NPHP3: variants seen among roughly 807,000 people sequenced by gnomAD.
NPHP3 encodes nephrocystin 3.
NPHP3 carries 123 observed loss-of-function variants against 171.9 expected under a neutral mutation model. That is an observed-to-expected ratio of 0.72 (90% CI 0.62 to 0.83). NPHP3 has a LOEUF of 0.83. Among genes scored for constraint, NPHP3 ranks in the 40% least tolerant of loss-of-function variants. The probability of loss-of-function intolerance (pLI) is 0.00; values close to 1 mark genes in which losing one functional copy is unlikely to be tolerated. For missense variants in NPHP3, 1,506 were observed against 1,591.9 expected, an observed-to-expected ratio of 0.95 and a Z score of 0.92; for synonymous variants, 558 against 579.2, an observed-to-expected ratio of 0.96 and a Z score of 0.52.
At chr3:132,708,466 C>A (rs1939817264) in intron 6 of NPHP3, among the ~76,000 whole-genome samples, 1 of 152,140 alleles carries the variant, frequency 6.6e-6, no homozygotes, top group Non-Finnish European at 1.5e-5. Flanking sequence ...CATTAGCCAA[C>A]AGTGAGCATA....
chr3:132,696,705 G>A, intron 15 of NPHP3, 26 bp downstream of exon 15: 1 of 1,600,382 alleles, frequency 6.2e-7, no homozygotes, highest in Non-Finnish European at 8.6e-7. Context: ...ACATGCAGAA[G>A]ATCATGTAAA....
intron 9 of NPHP3, among the ~76,000 whole-genome samples, chr3:132,702,633 T>C (rs1939642741): frequency 6.6e-6 from 1 of 152,250 alleles, no homozygotes; most frequent in African/African-American, 2.4e-5. Flanking sequence ...CAGCCAGCTT[T>C]AGGCTTGCTT....
intron 16 of NPHP3, among the ~76,000 whole-genome samples, chr3:132,694,379 T>G (rs62292470): frequency 4.0e-5 from 6 of 148,814 alleles, no homozygotes; most frequent in African/African-American, 1.5e-4. Context: ...GTGTGTGTGT[T>G]TACACACACA....
At position 132,681,233 on chromosome 3, in the gene NPHP3, G is replaced by A. The variant is rs1213729767; in HGVS notation, c.*677C>T. ...GAATGGCAAGGCTAAAGTAGCTCTT[G>A]AGAGCTCAAAAGAATCATGGAATTC... On this transcript the variant is annotated 3_prime_UTR_variant, in exon 27 of 27. Transcript: ENST00000337331. 6.7e-6 allele frequency: 1 copy of A among 149,802 alleles called. No individual in the cohort carries two copies. Among genetic ancestry groups the A allele is most frequent in the African/African-American group, 2.5e-5 (1 of 40,808 alleles). 9.3% of individuals were successfully genotyped at this position (149,802 alleles called of 1,614,324 possible).
intron 22 of NPHP3, 27 bp from the exon 23 acceptor site, chr3:132,686,414 C>A: frequency 6.2e-7 from 1 of 1,613,494 alleles, no homozygotes; most frequent in Non-Finnish European, 8.5e-7. Context: ...AAATGAAAAG[C>A]AATCACTAAG....
rs575523103 is a variant in NPHP3, at chr3:132,682,914, G to C, written c.3697-96C>G. The C allele has an allele frequency of 7.7e-4, 586 of 765,544 alleles. 3 individuals carry two copies. The highest frequency in any genetic ancestry group is 1.1e-3 in the Non-Finnish European group (470 of 425,424). The allele number at this position is 765,544 out of a possible 1,614,324, so 47.4% of individuals were successfully genotyped here. A position where few individuals can be genotyped will look rare whatever the true frequency, so the allele number is the denominator to read the frequency against. ...CCTACTTTGATTAGTACTTTAAAAT[G>C]TTAATATCCTCCTAAAAGATGGGAA... On this transcript the variant is annotated intron_variant, in intron 25 of 26. Transcript: ENST00000337331.
rs758802852 is a variant in NPHP3 at position 132,689,158 on chromosome 3, G to C, written c.2799C>G (p.Cys933Trp). The change falls in exon 20 of 27, where the codon TGC becomes TGG. Residue 933 changes from cysteine to tryptophan, a missense_variant. Coordinates refer to ENST00000337331, the MANE Select transcript of NPHP3 (RefSeq NM_153240.5). The stretch of plus-strand genomic sequence containing the variant: ...AGCAACTCATGTTGTCCTCGCCTTC[G>C]CAGTTTTTCTCATACTGCTTCAATG... ...FDSLKQYEKN[C>W]EGEDNMSCLA... The C allele has an allele frequency of 6.2e-7, 1 of 1,614,046 alleles. No homozygotes were observed. The highest frequency in any genetic ancestry group is 8.5e-7 in the Non-Finnish European group (1 of 1,179,984).
chr3:132,684,605 G>C lies in NPHP3; in HGVS notation c.3519C>G (p.His1173Gln). 1 of 1,614,030 alleles carries C rather than the reference G, an allele frequency of 6.2e-7. No homozygotes were observed. The highest frequency in any genetic ancestry group is 8.5e-7 in the Non-Finnish European group (1 of 1,179,902). Residue 1173 changes from histidine to glutamine, a missense_variant, in exon 24 of 27, where the codon CAC becomes CAG. Physicochemically the swap from His to Gln is conservative, Grantham distance 24. This residue lies in a region of NPHP3 where 569 missense variants were observed against 648.1 expected (regional missense o/e 0.88). Coordinates refer to ENST00000337331, the MANE Select transcript of NPHP3 (RefSeq NM_153240.5). Reference protein sequence around the residue: ...DIRRRALAPDHPSLAYTVKHL... With the variant: ...DIRRRALAPDQPSLAYTVKHL... Reference sequence around the variant, plus strand: ...GCTTCACCGTATATGCCAAAGAAGGGTGATCAGGAGCTAATGCACGTCTCC... The same window carrying C: ...GCTTCACCGTATATGCCAAAGAAGGCTGATCAGGAGCTAATGCACGTCTCC...
chr3:132,690,233 C>T lies in NPHP3; in HGVS notation c.2693+295G>A, dbSNP rs74660833. 0.032 allele frequency among the ~76,000 whole-genome samples: 4,892 copies of T among 152,252 alleles called. 131 individuals carry two copies. The highest frequency in any genetic ancestry group is 0.11 in the East Asian group (571 of 5,180). ...TGAAGGCCCAAAGAAGCAGACATTA[C>T]GAACCACCTCTCTGAGTGGTTTAAA... is the stretch of plus-strand genomic sequence containing the variant. On this transcript the variant is annotated intron_variant, in intron 19 of 26. Transcript: ENST00000337331.
chr3:132,713,382 G>A, intron 5 of NPHP3, 96 bp from the exon 6 acceptor site: 2 of 647,704 alleles, frequency 3.1e-6, no homozygotes, highest in South Asian at 2.9e-5. Context: ...CTTTAAAACA[G>A]GTTATACTGG....
chr3:132,694,801 C>A, intron 16 of NPHP3, 26 bp downstream of exon 16: 3 of 1,609,968 alleles, frequency 1.9e-6, no homozygotes. Flanking sequence ...ACTAACATTC[C>A]TTTTTATAAG....
At position 132,681,246 on chromosome 3, in the gene NPHP3, A is replaced by T. The variant is rs1317889474; in HGVS notation, c.*664T>A. The T allele has an allele frequency of 6.6e-6, 1 of 151,984 alleles. No individual in the cohort carries two copies. The highest frequency in any genetic ancestry group is 1.5e-5 in the Non-Finnish European group (1 of 68,440). 9.4% of individuals were successfully genotyped at this position (151,984 alleles called of 1,614,324 possible). On this transcript the variant is annotated 3_prime_UTR_variant, in exon 27 of 27. Transcript: ENST00000337331. ...AAAGTAGCTCTTGAGAGCTCAAAAG[A>T]ATCATGGAATTCTTTTTTTTTTTTT...
At position 132,688,661 on chromosome 3, in the gene NPHP3, C is replaced by A; in HGVS notation, c.3114G>T (p.Gln1038His). The A allele has an allele frequency of 6.2e-7, 1 of 1,614,064 alleles. No homozygotes were observed. Residue 1038 changes from glutamine (Q) to histidine (H), a missense_variant, in exon 21 of 27, where the codon CAG becomes CAT. Around this residue, in one of 3 missense-constraint regions of NPHP3, gnomAD observed 569 missense variants for 648.1 expected, o/e 0.88. Transcript: ENST00000337331. The stretch of plus-strand genomic sequence containing the variant: ...CTAAAAAATCTTACTTATTTTGTTT[C>A]TGGTACAAAGTTGCAAGTGCTTCAA... ...RELEALATLY[Q>H]KQNKYEQAEH... is the part of the protein sequence containing the mutation.
chr3:132,705,639 G>C (rs562139742), intron 8 of NPHP3, 101 bp downstream of exon 8: 2 of 676,618 alleles, frequency 3.0e-6, no homozygotes, highest in South Asian at 1.7e-5. Flanking sequence ...CAGGTACTGT[G>C]TTCAAAAAGA....
At position 132,722,087 on chromosome 3, in the gene NPHP3, T is replaced by A; in HGVS notation, c.269A>T (p.Glu90Val). ...SVPELEYAAA[E>V]YERLRKEYEI... ...GTACTCCTTCCTGAGCCGCTCGTACTCGGCCGCCGCGTACTCCAGCTCTGG... is the reference window on the plus strand; with the variant it reads ...GTACTCCTTCCTGAGCCGCTCGTACACGGCCGCCGCGTACTCCAGCTCTGG... The change falls in exon 1 of 27, where the codon GAG (glutamate) becomes GTG (valine). Residue 90 changes from glutamate (E) to valine (V), a missense_variant. Glu to Val is a moderately radical substitution (Grantham distance 121). Coordinates refer to ENST00000337331, the MANE Select transcript of NPHP3 (RefSeq NM_153240.5). The A allele has an allele frequency of 6.2e-7, 1 of 1,610,410 alleles. No homozygotes were observed. The highest frequency in any genetic ancestry group is 8.5e-7 in the Non-Finnish European group (1 of 1,179,826).
At chr3:132,708,969 A>C (rs554340135) in intron 6 of NPHP3, among the ~76,000 whole-genome samples, 1 of 152,224 alleles carries the variant, frequency 6.6e-6, no homozygotes, top group African/African-American at 2.4e-5. Flanking sequence ...ATGTAGAAGG[A>C]GAGGTGCTTC....
rs111727307 is a variant in NPHP3 at position 132,684,624 on chromosome 3, C to T, written c.3500G>A (p.Arg1167His). 510 of 1,613,974 alleles carry T rather than the reference C, an allele frequency of 3.2e-4. 4 individuals are homozygous for T. In the African/African-American group the frequency reaches 4.8e-3, roughly 15 times the overall value. The change falls in exon 24 of 27, where the codon CGT becomes CAT. Residue 1167 changes from arginine (R) to histidine (H), a missense_variant. Around this residue, in one of 3 missense-constraint regions of NPHP3, gnomAD observed 569 missense variants for 648.1 expected, o/e 0.88. Transcript: ENST00000337331. ...AGAAGGGTGATCAGGAGCTAATGCA[C>T]GTCTCCGAATATCTAAAGCTCTTTC... ...LYERALDIRR[R>H]ALAPDHPSLA...
At chr3:132,707,853 T>C (rs1396377260) in intron 7 of NPHP3, among the ~76,000 whole-genome samples, 2 of 152,176 alleles carry the variant, frequency 1.3e-5, no homozygotes, top group African/African-American at 2.4e-5. Flanking sequence ...GCCCTCATTC[T>C]GTTGCTTATA....
chr3:132,685,460 T>C (rs1386575269), intron 23 of NPHP3: 1 of 152,246 alleles, frequency 6.6e-6, no homozygotes, highest in Non-Finnish European at 1.5e-5. Context: ...TTATTTTTTA[T>C]ATAAGTTTCT....
Sources: gnomAD v4.1 joint callset for allele counts (sites outside exome capture counted in the v4.1 genomes callset) on GRCh38, gnomAD v4.1.1 for gene constraint, gnomAD v4.1.1 regional missense constraint, MANE v1.5 for transcripts, NCBI Gene and HGNC (gene_info 2026-07-23, HGNC 2026-07-21) for gene names.